Variants in GNA14 observed in about 807,000 individuals in gnomAD.
GNA14 encodes guanine nucleotide-binding protein subunit alpha-14.
A neutral mutation model predicts 42.0 loss-of-function variants in GNA14; 50 were observed. That is an observed-to-expected ratio of 1.19 (90% CI 0.95 to 1.51). The LOEUF (loss-of-function observed/expected upper bound fraction) is 1.51. GNA14 is among the 40% of genes most tolerant of loss of function. The pLI is 0.00. For missense variants in GNA14, 473 were observed against 446.2 expected, an observed-to-expected ratio of 1.06 and a Z score of -0.54; for synonymous variants, 173 against 163.1, an observed-to-expected ratio of 1.06 and a Z score of -0.46.
At chr9:77,537,389 T>C (rs915712072) in intron 1 of GNA14, among the ~76,000 whole-genome samples, 2 of 152,320 alleles carry the variant, frequency 1.3e-5, no homozygotes, top group South Asian at 2.1e-4. Context: ...TTTACATCCA[T>C]GTTGCTGCAA....
intron 2 of GNA14, among the ~76,000 whole-genome samples, chr9:77,502,446 C>A (rs116654763): frequency 9.8e-4 from 150 of 152,318 alleles, no homozygotes; most frequent in African/African-American, 3.3e-3. Context: ...GGGGAGCCAC[C>A]TTGCTATACT....
At chr9:77,498,868 G>C (rs1326740749) in intron 2 of GNA14, among the ~76,000 whole-genome samples, 1 of 152,154 alleles carries the variant, frequency 6.6e-6, no homozygotes, top group East Asian at 1.9e-4. Flanking sequence ...CAGGCAGTGG[G>C]TGTCTGCCTC....
chr9:77,452,561 T>TGTGTG (rs1835922154), intron 2 of GNA14, among the ~76,000 whole-genome samples: 2 of 142,094 alleles, frequency 1.4e-5, no homozygotes, highest in Non-Finnish European at 3.0e-5. Context: ...TGTGTGTGTG[T>TGTGTG]GTGTGTGTGT....
chr9:77,453,190 C>A (rs1564018586), intron 2 of GNA14, among the ~76,000 whole-genome samples: 2 of 152,100 alleles, frequency 1.3e-5, no homozygotes, highest in Admixed American at 6.6e-5. Flanking sequence ...GCTTGTGTGT[C>A]CCTTCCGCCA....
At chr9:77,617,889 C>T (rs1020151346) in intron 1 of GNA14, among the ~76,000 whole-genome samples, 11 of 152,020 alleles carry the variant, frequency 7.2e-5, no homozygotes, top group Non-Finnish European at 1.0e-4. Context: ...TCCATTGTCA[C>T]CCTTCAGAGA....
intron 2 of GNA14, among the ~76,000 whole-genome samples, chr9:77,513,009 G>C (rs1477156761): frequency 6.6e-6 from 1 of 152,190 alleles, no homozygotes; most frequent in Non-Finnish European, 1.5e-5. Flanking sequence ...ACTTTATCCA[G>C]TGAAAGCACT....
At chr9:77,480,447 G>A (rs1279982417) in intron 2 of GNA14, among the ~76,000 whole-genome samples, 1 of 152,278 alleles carries the variant, frequency 6.6e-6, no homozygotes, top group Admixed American at 6.5e-5. Flanking sequence ...GCTGGATTCG[G>A]TTTGCCAGTA....
At chr9:77,642,281 G>C (rs1824279829) in intron 1 of GNA14, among the ~76,000 whole-genome samples, 1 of 152,192 alleles carries the variant, frequency 6.6e-6, no homozygotes, top group Non-Finnish European at 1.5e-5. Flanking sequence ...CCTCTTGAAA[G>C]GCCTCAGGAA....
At chr9:77,564,128 T>C (rs1341925791) in intron 1 of GNA14, among the ~76,000 whole-genome samples, 2 of 152,114 alleles carry the variant, frequency 1.3e-5, no homozygotes, top group Admixed American at 6.5e-5. Context: ...CCTTATCAAA[T>C]TCTCTTTGGG....
chr9:77,474,135 A>G (rs947485327), intron 2 of GNA14, among the ~76,000 whole-genome samples: 1 of 152,198 alleles, frequency 6.6e-6, no homozygotes, highest in Non-Finnish European at 1.5e-5. Flanking sequence ...GGGAAGCAAC[A>G]AAAGAAAAAA....
At chr9:77,432,649 G>A (rs933939499) in intron 3 of GNA14, among the ~76,000 whole-genome samples, 5 of 152,180 alleles carry the variant, frequency 3.3e-5, no homozygotes, top group African/African-American at 4.8e-5. Flanking sequence ...AAGGTTGGGC[G>A]ACTGGGTTTA....
rs1824381498 is a variant in GNA14, at chr9:77,647,720, A to C, written c.74T>G (p.Leu25Arg). The change falls in exon 1 of 7, where the codon CTT becomes CGT. Residue 25 changes from leucine to arginine, a missense_variant. Physicochemically the swap from Leu to Arg is moderately radical, Grantham distance 102 (BLOSUM62 -2). Transcript: ENST00000341700. The stretch of plus-strand genomic sequence containing the variant: ...GCGCGCGTCCTTCTTGTCCCGACGA[A>C]GCTGTCGCTCGATCTCCGCGCTGAT... ...QRISAEIERQ[L>R]RRDKKDARRE... 1.2e-6 allele frequency: 2 copies of C among 1,610,282 alleles called. No individual in the cohort carries two copies. Among genetic ancestry groups the C allele is most frequent in the East Asian group, 4.5e-5 (2 of 44,762 alleles).
chr9:77,576,816 T>C (rs570227685), intron 1 of GNA14, among the ~76,000 whole-genome samples: 2 of 152,262 alleles, frequency 1.3e-5, no homozygotes, highest in South Asian at 4.1e-4. Flanking sequence ...TATACACCTT[T>C]CCCAATTTAT....
chr9:77,528,605 A>G (rs1837477944), intron 2 of GNA14, among the ~76,000 whole-genome samples: 1 of 152,170 alleles, frequency 6.6e-6, no homozygotes, highest in South Asian at 2.1e-4. Flanking sequence ...TTAGTTCCCA[A>G]GAAGGGTGAA....
At chr9:77,436,201 G>C (rs1473186344) in intron 2 of GNA14, among the ~76,000 whole-genome samples, 1 of 152,158 alleles carries the variant, frequency 6.6e-6, no homozygotes, top group Non-Finnish European at 1.5e-5. Context: ...AGGACCTTCA[G>C]GCAGGTAGGA....
intron 1 of GNA14, among the ~76,000 whole-genome samples, chr9:77,586,928 G>A (rs564944020): frequency 3.3e-5 from 5 of 151,440 alleles, no homozygotes; most frequent in African/African-American, 7.3e-5. Flanking sequence ...ACCCGTGCAA[G>A]CTTCCAACTT....
intron 1 of GNA14, among the ~76,000 whole-genome samples, chr9:77,636,888 C>A (rs1056913511): frequency 2.0e-4 from 31 of 152,144 alleles, no homozygotes; most frequent in African/African-American, 7.5e-4. Context: ...AGTGAATTTT[C>A]AACGAGAAGA....
intron 2 of GNA14, among the ~76,000 whole-genome samples, chr9:77,479,163 A>G (rs946302497): frequency 1.9e-4 from 29 of 152,274 alleles, no homozygotes; most frequent in South Asian, 6.2e-4. Flanking sequence ...TAGGTCTAAC[A>G]TTTAAGTCTT....
Position 77,616,362 on chromosome 9 carries a change from A to T in GNA14, c.124+31308T>A, listed in dbSNP as rs576689451. On this transcript the variant is annotated intron_variant, in intron 1 of 6. Coordinates refer to ENST00000341700, the MANE Select transcript of GNA14 (RefSeq NM_004297.4). Reference sequence around the variant, plus strand: ...TAATGGCATGGCATGGGCACTGACTAATCAGAACGGATACTGTTCCACTGT... The same window carrying T: ...TAATGGCATGGCATGGGCACTGACTTATCAGAACGGATACTGTTCCACTGT... Among the ~76,000 whole-genome samples the T allele has an allele frequency of 2.2e-4, 34 of 152,354 alleles. No individual in the cohort carries two copies. The South Asian group carries it at 4.1e-3, about 19-fold the overall frequency.
Sources: gnomAD v4.1 joint callset for allele counts (sites outside exome capture counted in the v4.1 genomes callset) on GRCh38, gnomAD v4.1.1 for gene constraint, MANE v1.5 for transcripts, NCBI Gene and HGNC (gene_info 2026-07-23, HGNC 2026-07-21) for gene names.